The following ZNF721 variants were observed in gnomAD, a reference collection of about 807,000 sequenced individuals.
ZNF721 encodes zinc finger protein 721.
A neutral mutation model predicts 2.4 loss-of-function variants in ZNF721; 2 were observed. That is an observed-to-expected ratio of 0.82 (90% CI 0.34 to 2.58). ZNF721 has a LOEUF of 2.58. Among genes scored for constraint, ZNF721 ranks in the 30% most tolerant of loss-of-function variants. The pLI, the probability that ZNF721 is intolerant of heterozygous loss-of-function variation, is 0.11. For synonymous variants in ZNF721, 398 were observed against 381.8 expected (o/e 1.04, Z -0.50); for missense variants, 1,187 against 1,085.5 (o/e 1.09, Z -1.31).
chr4:496,824 T>C (rs1179660314), intron 1 of ZNF721, among the ~76,000 whole-genome samples: 1 of 148,280 alleles, frequency 6.7e-6, no homozygotes, highest in Non-Finnish European at 1.5e-5. Context: ...GCCATTCTCC[T>C]GCCTCAGCCT....
chr4:466,640 T>C (rs1323284688), intron 2 of ZNF721, among the ~76,000 whole-genome samples: 1 of 152,188 alleles, frequency 6.6e-6, no homozygotes, highest in Non-Finnish European at 1.5e-5. Flanking sequence ...ATTTCATTTG[T>C]AGATTAAACT....
At chr4:457,266 T>C (rs868992684) in intron 2 of ZNF721, among the ~76,000 whole-genome samples, 2 of 152,202 alleles carry the variant, frequency 1.3e-5, no homozygotes, top group South Asian at 2.1e-4. Context: ...GGAGGTTCTC[T>C]ACCCACAACT....
rs782273159 is a variant in ZNF721, at chr4:442,209, TAG to T, written c.2256_2257del (p.Tyr753GlnfsTer3). ...CACTTTCCCACATTCTTTACATTTG[TAG>T]AGTTTATCTCCAGTATGAATTTTCT... On this transcript the variant is annotated frameshift_variant, in exon 3 of 3. Coordinates refer to ENST00000511833, the MANE Select transcript of ZNF721 (RefSeq NM_133474.4). LOFTEE classifies it low-confidence loss of function (END_TRUNC). The T allele has an allele frequency of 6.2e-7, 1 of 1,612,526 alleles. No individual in the cohort carries two copies. The highest frequency in any genetic ancestry group is 1.3e-5 in the African/African-American group (1 of 75,042).
chr4:473,860 G>A (rs1715542767), intron 1 of ZNF721: 14 of 1,280,732 alleles, frequency 1.1e-5, no homozygotes, highest in Non-Finnish European at 1.5e-5. Context: ...GGGGACTGAG[G>A]ACCGAGGGCT....
intron 1 of ZNF721, among the ~76,000 whole-genome samples, chr4:490,527 T>A (rs1288990960): frequency 6.6e-6 from 1 of 151,864 alleles, no homozygotes; most frequent in African/African-American, 2.4e-5. Context: ...CAATTTCACT[T>A]GTTTCTTTTT....
rs782541745 is a variant in ZNF721 at position 442,793 on chromosome 4, T to C, written c.1674A>G (p.Thr558=). 5.0e-6 allele frequency: 8 copies of C among 1,613,814 alleles called. No homozygotes were observed. The highest frequency in any genetic ancestry group is 3.3e-5 in the South Asian group (3 of 91,074). ...TAAAGGTTTTGCCACATTCTTCACA[T>C]GTGTAGGGTTTCTCTCCAGTATGAA... ...RRIHTGEKPY[T]CEECGKTFRQ... Residue 558 remains threonine (T), a synonymous_variant, in exon 3 of 3, where the codon ACA becomes ACG. Transcript: ENST00000511833.
At position 460,160 on chromosome 4, in the gene ZNF721, C is replaced by A. The variant is rs552732548; in HGVS notation, c.34+12415G>T. On this transcript the variant is annotated intron_variant, in intron 2 of 2. Coordinates refer to ENST00000511833, the MANE Select transcript of ZNF721 (RefSeq NM_133474.4). ...ACATACATTATTCTCGGCACCACAT[C>A]GCACTTAATCTAAAGTTGACCACAT... 3.9e-5 allele frequency among the ~76,000 whole-genome samples: 6 copies of A among 152,256 alleles called. No homozygotes were observed. The East Asian group carries it at 1.2e-3, about 29-fold the overall frequency.
At position 440,433 on chromosome 4, in the gene ZNF721, A is replaced by G. The variant is rs1576948585; in HGVS notation, c.*1262T>C. On this transcript the variant is annotated 3_prime_UTR_variant, in exon 3 of 3. Coordinates refer to ENST00000511833, the MANE Select transcript of ZNF721 (RefSeq NM_133474.4). ...TCAAGTGAAAAAATATATTTCGAAT[A>G]TATCTCTTCAAAAACCTACTTTTCA... 2.0e-5 allele frequency: 3 copies of G among 152,314 alleles called. No individual in the cohort carries two copies. The highest frequency in any genetic ancestry group is 2.1e-4 in the South Asian group (1 of 4,816). 9.4% of individuals were successfully genotyped at this position (152,314 alleles called of 1,614,324 possible). A position where few individuals can be genotyped will look rare whatever the true frequency, so the allele number is the denominator to read the frequency against.
intron 2 of ZNF721, among the ~76,000 whole-genome samples, chr4:460,029 G>C (rs528918763): frequency 6.6e-6 from 1 of 152,066 alleles, no homozygotes; most frequent in East Asian, 1.9e-4. Context: ...GTCAATATTA[G>C]ATCAATGAGA....
chr4:484,189 T>C (rs1194166252), intron 1 of ZNF721, among the ~76,000 whole-genome samples: 1 of 152,132 alleles, frequency 6.6e-6, no homozygotes, highest in Non-Finnish European at 1.5e-5. Context: ...TGTAAAGATT[T>C]CATGGACACT....
In ZNF721 at chr4:492,344, A is replaced by G. The variant is rs1553871601; in HGVS notation, c.-94+6712T>C. Reference sequence around the variant, plus strand: ...AGTGCACAGAATATTATGTTGGAAAAAAACATTCCCGTTAGACCTCTAAGA... The same window carrying G: ...AGTGCACAGAATATTATGTTGGAAAGAAACATTCCCGTTAGACCTCTAAGA... On this transcript the variant is annotated intron_variant, in intron 1 of 2. Transcript: ENST00000511833. Among the ~76,000 whole-genome samples, 5 of 152,190 alleles carry G rather than the reference A, an allele frequency of 3.3e-5. No individual in the cohort carries two copies. The South Asian group carries it at 1.0e-3, about 31-fold the overall frequency.
intron 2 of ZNF721, among the ~76,000 whole-genome samples, chr4:468,943 G>C (rs1715342684): frequency 6.6e-6 from 1 of 151,978 alleles, no homozygotes; most frequent in Admixed American, 6.6e-5. Flanking sequence ...GGAGAACAAA[G>C]CTCTCCTGCC....
Position 442,743 on chromosome 4 carries a change from T to C in ZNF721, c.1724A>G (p.His575Arg), listed in dbSNP as rs782166988. Reference sequence around the variant, plus strand: ...TTTCTCTCCAGTATGAATTCTCCTATGTACATAAAGGTTTGCGGACTGTCT... The same window carrying C: ...TTTCTCTCCAGTATGAATTCTCCTACGTACATAAAGGTTTGCGGACTGTCT... ...TFRQSANLYV[H>R]RRIHTGEKPY... The change falls in exon 3 of 3, where the codon CAT becomes CGT. Residue 575 changes from histidine (H) to arginine (R), a missense_variant. His to Arg is a conservative substitution (Grantham distance 29). Transcript: ENST00000511833. The C allele has an allele frequency of 8.1e-6, 13 of 1,614,228 alleles. No homozygotes were observed. The highest frequency in any genetic ancestry group is 3.3e-5 in the South Asian group (3 of 91,086).
At chr4:464,965 G>T (rs1453250391) in intron 2 of ZNF721, among the ~76,000 whole-genome samples, 1 of 151,686 alleles carries the variant, frequency 6.6e-6, no homozygotes, top group African/African-American at 2.4e-5. Context: ...GGTGCCTGCA[G>T]TCTCAGCTAC....
intron 2 of ZNF721, among the ~76,000 whole-genome samples, chr4:465,792 A>C (rs1400509036): frequency 2.4e-4 from 37 of 151,598 alleles, no homozygotes; most frequent in Non-Finnish European, 1.6e-4. Flanking sequence ...CAAAAAAAAA[A>C]CAAAACAAAA....
At chr4:494,714 G>C (rs543174636) in intron 1 of ZNF721, among the ~76,000 whole-genome samples, 7 of 152,068 alleles carry the variant, frequency 4.6e-5, no homozygotes, top group African/African-American at 1.7e-4. Flanking sequence ...TTTTCTTTGA[G>C]CCAAATCAAA....
intron 1 of ZNF721, among the ~76,000 whole-genome samples, chr4:477,254 CTTTTTTTTT>C (rs35272784): frequency 4.0e-5 from 3 of 74,166 alleles, no homozygotes; most frequent in East Asian, 4.2e-4. Context: ...TGGTGAGTTC[CTTTTTTTTT>C]TTTTTTTTTT....
chr4:495,971 GC>G (rs1418313793), intron 1 of ZNF721, among the ~76,000 whole-genome samples: 8 of 152,056 alleles, frequency 5.3e-5, no homozygotes, highest in Admixed American at 3.3e-4. Context: ...CCATATTTCG[GC>G]CGGACAGAAT....
intron 2 of ZNF721, among the ~76,000 whole-genome samples, chr4:471,639 T>C (rs1189413117): frequency 1.3e-5 from 2 of 152,128 alleles, no homozygotes; most frequent in African/African-American, 4.8e-5. Flanking sequence ...AGAAACCTAA[T>C]GCTAATGTAC....
Sources: gnomAD v4.1 joint callset for allele counts (sites outside exome capture counted in the v4.1 genomes callset) on GRCh38, gnomAD v4.1.1 for gene constraint, MANE v1.5 for transcripts, NCBI Gene and HGNC (gene_info 2026-07-23, HGNC 2026-07-21) for gene names.